Variants in MCHR2 observed in about 807,000 individuals in gnomAD.
The protein encoded by MCHR2 is melanin concentrating hormone receptor 2.
MCHR2 carries 15 observed loss-of-function variants against 24.8 expected under a neutral mutation model. The observed-to-expected ratio is 0.60, with a 90% CI of 0.40 to 0.93. The LOEUF is 0.93. MCHR2 is among the 40% of genes least tolerant of loss of function. The probability of loss-of-function intolerance (pLI) is 0.00; values close to 1 mark genes in which losing one functional copy is unlikely to be tolerated. For synonymous variants in MCHR2, 151 were observed against 147.6 expected, an observed-to-expected ratio of 1.02 and a Z score of -0.17; for missense variants, 386 against 408.7, an observed-to-expected ratio of 0.94 and a Z score of 0.48.
chr6:99,972,488 T>A (rs1436137611), intron 1 of MCHR2, among the ~76,000 whole-genome samples: 2 of 152,090 alleles, frequency 1.3e-5, no homozygotes, highest in Non-Finnish European at 2.9e-5. Flanking sequence ...GTCTATCAAT[T>A]TTGTTGATCC....
intron 1 of MCHR2, among the ~76,000 whole-genome samples, chr6:99,974,019 A>T (rs1775494965): frequency 6.6e-6 from 1 of 152,118 alleles, no homozygotes; most frequent in African/African-American, 2.4e-5. Context: ...AACTTTGGTG[A>T]ATCTGACAAT....
chr6:99,929,322 G>C (rs914102157), intron 5 of MCHR2, among the ~76,000 whole-genome samples: 2 of 151,682 alleles, frequency 1.3e-5, no homozygotes, highest in African/African-American at 2.4e-5. Flanking sequence ...CTGTTGATTT[G>C]GGGTGGAGAG....
At chr6:99,958,611 T>C (rs1775116174) in intron 1 of MCHR2, among the ~76,000 whole-genome samples, 1 of 152,146 alleles carries the variant, frequency 6.6e-6, no homozygotes, top group East Asian at 1.9e-4. Context: ...CTTTCTCCCA[T>C]GGCACCACTG....
At chr6:99,979,130 G>A (rs1418966439) in intron 1 of MCHR2, among the ~76,000 whole-genome samples, 1 of 152,158 alleles carries the variant, frequency 6.6e-6, no homozygotes, top group East Asian at 1.9e-4. Flanking sequence ...TCAGTTGATA[G>A]TGGTAGAGCG....
chr6:99,969,486 A>G (rs1323293586), intron 1 of MCHR2, among the ~76,000 whole-genome samples: 1 of 149,348 alleles, frequency 6.7e-6, no homozygotes, highest in Non-Finnish European at 1.5e-5. Context: ...AAAAAAAAAA[A>G]AAAAAAGAAA....
At chr6:99,954,931 A>C (rs1775030834) in intron 2 of MCHR2, among the ~76,000 whole-genome samples, 1 of 152,154 alleles carries the variant, frequency 6.6e-6, no homozygotes, top group Non-Finnish European at 1.5e-5. Context: ...TTGTATTTAG[A>C]CTTGGTCCCT....
At chr6:99,963,517 G>A (rs191281865) in intron 1 of MCHR2, among the ~76,000 whole-genome samples, 188 of 152,184 alleles carry the variant, frequency 1.2e-3, no homozygotes, top group African/African-American at 4.3e-3. Context: ...ATGAGGAAAC[G>A]GAGAATTGTT....
chr6:99,933,017 ACTAT>A (rs1730767495), intron 5 of MCHR2, among the ~76,000 whole-genome samples: 1 of 152,096 alleles, frequency 6.6e-6, no homozygotes, highest in Non-Finnish European at 1.5e-5. Flanking sequence ...CTATATCTCT[ACTAT>A]CTACTTTTTT....
At chr6:99,991,793 A>C (rs1274116392) in intron 1 of MCHR2, among the ~76,000 whole-genome samples, 4 of 132,280 alleles carry the variant, frequency 3.0e-5, no homozygotes, top group Non-Finnish European at 6.3e-5. Context: ...TGGGTGACAG[A>C]GTGAGACTCC....
chr6:99,979,905 CAG>C (rs1464135561), intron 1 of MCHR2, among the ~76,000 whole-genome samples: 1 of 152,136 alleles, frequency 6.6e-6, no homozygotes, highest in African/African-American at 2.4e-5. Flanking sequence ...TGCTCCTTTG[CAG>C]AGACAGTTAA....
At chr6:99,924,080 T>G (rs962257153) in intron 5 of MCHR2, among the ~76,000 whole-genome samples, 21 of 152,154 alleles carry the variant, frequency 1.4e-4, no homozygotes, top group African/African-American at 5.1e-4. Flanking sequence ...GGCTTTGATC[T>G]TGTTACTTGT....
chr6:99,963,996 G>A (rs192281414), intron 1 of MCHR2, among the ~76,000 whole-genome samples: 41 of 152,154 alleles, frequency 2.7e-4, no homozygotes, highest in Admixed American at 5.2e-4. Context: ...TACAAAACAG[G>A]CATCCAGCTG....
At chr6:99,957,925 T>C (rs1775097677) in intron 1 of MCHR2, among the ~76,000 whole-genome samples, 1 of 152,040 alleles carries the variant, frequency 6.6e-6, no homozygotes, top group Non-Finnish European at 1.5e-5. Flanking sequence ...CCAGACTGAC[T>C]TATAGATTCA....
intron 1 of MCHR2, among the ~76,000 whole-genome samples, chr6:99,970,921 A>G (rs1396823925): frequency 6.6e-6 from 1 of 152,032 alleles, no homozygotes; most frequent in African/African-American, 2.4e-5. Context: ...ATTGATCTAT[A>G]TCTCTGTTTT....
At chr6:99,930,569 T>C (rs1011244039) in intron 5 of MCHR2, among the ~76,000 whole-genome samples, 1 of 149,474 alleles carries the variant, frequency 6.7e-6, no homozygotes, top group African/African-American at 2.4e-5. Context: ...AACTTCCCTT[T>C]TGCTTCATTT....
intron 1 of MCHR2, among the ~76,000 whole-genome samples, chr6:99,979,555 T>C (rs1175010770): frequency 1.3e-5 from 2 of 152,218 alleles, no homozygotes; most frequent in Non-Finnish European, 2.9e-5. Flanking sequence ...TTTATATTGA[T>C]TGCACATGGA....
At chr6:99,923,714 A>T (rs1157355078) in intron 5 of MCHR2, among the ~76,000 whole-genome samples, 1 of 152,052 alleles carries the variant, frequency 6.6e-6, no homozygotes, top group Non-Finnish European at 1.5e-5. Context: ...GATATGATGT[A>T]TTACATTGAT....
chr6:99,941,796 G>A (rs898163683), intron 4 of MCHR2, among the ~76,000 whole-genome samples: 1 of 151,988 alleles, frequency 6.6e-6, no homozygotes, highest in Non-Finnish European at 1.5e-5. Flanking sequence ...CTAGTCTATA[G>A]TGCTTTGTTA....
At position 99,920,248 on chromosome 6, in the gene MCHR2, T is replaced by C. The variant is rs1247298011; in HGVS notation, c.*692A>G. ...GGTTCTCCAGTATGATAAGTAAAGG[T>C]TGTCAAGGTCGTGCAGTAGAAAAGA... On this transcript the variant is annotated 3_prime_UTR_variant, in exon 6 of 6. Coordinates refer to ENST00000281806, the MANE Select transcript of MCHR2 (RefSeq NM_001040179.2). 6.6e-6 allele frequency: 1 copy of C among 152,094 alleles called. No homozygotes were observed. The highest frequency in any genetic ancestry group is 1.5e-5 in the Non-Finnish European group (1 of 68,026). 9.4% of individuals were successfully genotyped at this position (152,094 alleles called of 1,614,324 possible). A position where few individuals can be genotyped will look rare whatever the true frequency, so the allele number is the denominator to read the frequency against.
Sources: gnomAD v4.1 joint callset for allele counts (sites outside exome capture counted in the v4.1 genomes callset) on GRCh38, gnomAD v4.1.1 for gene constraint, MANE v1.5 for transcripts, NCBI Gene and HGNC (gene_info 2026-07-23, HGNC 2026-07-21) for gene names.